Variants in DPP6 observed in about 807,000 individuals in gnomAD.
DPP6 encodes the protein dipeptidyl peptidase like 6, also known as A-type potassium channel modulatory protein DPP6.
DPP6 carries 69 observed loss-of-function variants against 122.6 expected under a neutral mutation model. The ratio of observed to expected loss-of-function variants is 0.56; its 90% CI spans 0.46 to 0.69. The LOEUF (loss-of-function observed/expected upper bound fraction) is 0.69, where lower values mean the gene tolerates loss of function less well. DPP6 is among the 30% of genes least tolerant of loss of function. The pLI is 0.00. For missense variants in DPP6, 928 were observed against 1,116.9 expected (o/e 0.83, Z 2.41); for synonymous variants, 418 against 433.1 (o/e 0.97, Z 0.43).
intron 1 of DPP6, among the ~76,000 whole-genome samples, chr7:154,151,875 G>A (rs147426817): frequency 0.015 from 2,238 of 151,886 alleles, 10 homozygotes; most frequent in Non-Finnish European, 0.024. Context: ...GGCTGAGGAG[G>A]CAGGCATGCT....
intron 1 of DPP6, among the ~76,000 whole-genome samples, chr7:154,033,332 TTC>T: frequency 6.6e-6 from 1 of 152,336 alleles, no homozygotes; most frequent in Admixed American, 6.5e-5. Context: ...CCTTCTTTCT[TTC>T]TCTCTCTTTT....
At chr7:154,389,281 A>G (rs1225353861) in intron 1 of DPP6, among the ~76,000 whole-genome samples, 1 of 152,184 alleles carries the variant, frequency 6.6e-6, no homozygotes, top group Non-Finnish European at 1.5e-5. Context: ...ACCTCACACA[A>G]TGATAAGATA....
At position 154,060,409 on chromosome 7, in the gene DPP6, A is replaced by G. The variant is rs557690277; in HGVS notation, c.243+7346A>G. Among the ~76,000 whole-genome samples the G allele has an allele frequency of 2.3e-3, 131 of 56,586 alleles. 1 individual carries two copies. Among genetic ancestry groups the G allele is most frequent in the African/African-American group, 4.4e-3 (51 of 11,602 alleles). 37.1% of individuals were successfully genotyped at this position (56,586 alleles called of 152,430 possible). ...CTGGCTCTTAGGACCCCCATCGCAGAGGGGGGAGGCACCCCCCGCGAGGCG... is the reference window on the plus strand; with the variant it reads ...CTGGCTCTTAGGACCCCCATCGCAGGGGGGGGAGGCACCCCCCGCGAGGCG... On this transcript the variant is annotated intron_variant, in intron 1 of 25. Coordinates refer to ENST00000377770, the MANE Select transcript of DPP6 (RefSeq NM_130797.4).
chr7:154,519,421 A>T (rs1826792695), intron 3 of DPP6, among the ~76,000 whole-genome samples: 1 of 152,220 alleles, frequency 6.6e-6, no homozygotes, highest in Non-Finnish European at 1.5e-5. Flanking sequence ...TGCCTTTGAC[A>T]TCCCACGTTT....
chr7:154,892,581 G>C lies in DPP6; in HGVS notation c.*101G>C, dbSNP rs553548654. On this transcript the variant is annotated 3_prime_UTR_variant, in exon 26 of 26. Transcript: ENST00000377770. ...TTCCCTCGGAGGGGCGGGGCGGGGCGGGGCCGGGTGTTCCATAGCATGTGT... is the reference window on the plus strand; with the variant it reads ...TTCCCTCGGAGGGGCGGGGCGGGGCCGGGCCGGGTGTTCCATAGCATGTGT... 74 of 1,551,510 alleles carry C rather than the reference G, an allele frequency of 4.8e-5. No individual in the cohort carries two copies. In the African/African-American group the frequency reaches 9.7e-4, roughly 20 times the overall value.
chr7:154,229,753 A>G (rs1259742286), intron 1 of DPP6, among the ~76,000 whole-genome samples: 1 of 152,148 alleles, frequency 6.6e-6, no homozygotes, highest in Non-Finnish European at 1.5e-5. Context: ...CAATTTTATC[A>G]GAATTCATGT....
At chr7:154,623,641 A>G (rs1563025702) in intron 5 of DPP6, among the ~76,000 whole-genome samples, 1 of 93,378 alleles carries the variant, frequency 1.1e-5, no homozygotes, top group African/African-American at 3.8e-5. Context: ...GCGTGCACAC[A>G]CGCGCACACA....
At chr7:154,008,530 A>T (rs1027774267) in intron 1 of DPP6, among the ~76,000 whole-genome samples, 15 of 152,158 alleles carry the variant, frequency 9.9e-5, no homozygotes, top group African/African-American at 2.9e-4. Flanking sequence ...ACACATTTCT[A>T]TGTAGAAGTA....
the DPP6 span, among the ~76,000 whole-genome samples, chr7:153,768,434 G>A: frequency 3.9e-5 from 6 of 152,048 alleles, no homozygotes; most frequent in African/African-American, 7.2e-5. Flanking sequence ...ATGTCTGTTC[G>A]TTCACATGTA....
chr7:153,869,468 T>A, the DPP6 span, among the ~76,000 whole-genome samples: 1 of 152,236 alleles, frequency 6.6e-6, no homozygotes, highest in Admixed American at 6.5e-5. Context: ...GAGACTAAGA[T>A]TGCAACCCCT....
At chr7:154,589,601 T>A (rs1287429713) in intron 5 of DPP6, among the ~76,000 whole-genome samples, 2 of 152,248 alleles carry the variant, frequency 1.3e-5, no homozygotes, top group Non-Finnish European at 2.9e-5. Flanking sequence ...GCATGGGGAA[T>A]GTGGCTGGTC....
intron 6 of DPP6, among the ~76,000 whole-genome samples, chr7:154,638,464 G>A (rs985790534): frequency 4.7e-4 from 72 of 152,174 alleles, no homozygotes; most frequent in African/African-American, 1.7e-3. Context: ...TCCTTTCTGA[G>A]CTTGGCTGTG....
intron 1 of DPP6, among the ~76,000 whole-genome samples, chr7:154,060,369 C>T (rs375051813): frequency 1.5e-3 from 159 of 104,320 alleles, no homozygotes; most frequent in African/African-American, 5.3e-3. Context: ...TGAGAGCCAG[C>T]CCCTGGTTCC....
In DPP6 at chr7:154,755,864, G is replaced by A. The variant is rs1843638534; in HGVS notation, c.884-13553G>A. Among the ~76,000 whole-genome samples, 1 of 152,178 alleles carries A rather than the reference G, an allele frequency of 6.6e-6. No individual in the cohort carries two copies. ...GGACAAGGTGGCCTCTGTCTTCATC[G>A]TGTGTCTTGGGTCCCCCTTCGTAAT... On this transcript the variant is annotated intron_variant, in intron 8 of 25. Coordinates refer to ENST00000377770, the MANE Select transcript of DPP6 (RefSeq NM_130797.4). This position sits in a 1 kb window ranked among gnomAD's most constrained non-coding sequence, Gnocchi z 4.7.
chr7:154,073,131 A>C (rs543206754), intron 1 of DPP6, among the ~76,000 whole-genome samples: 3 of 152,294 alleles, frequency 2.0e-5, no homozygotes, highest in Admixed American at 6.5e-5. Flanking sequence ...TTAATTGCCC[A>C]AAAGAAAGAA....
chr7:154,420,535 G>T (rs1817383205), intron 1 of DPP6, among the ~76,000 whole-genome samples: 2 of 152,068 alleles, frequency 1.3e-5, no homozygotes, highest in South Asian at 2.1e-4. Flanking sequence ...TAATGAACAG[G>T]TATAAAATTT....
intron 1 of DPP6, among the ~76,000 whole-genome samples, chr7:154,252,213 C>CGTGTGTGTGT (rs141850746): frequency 1.8e-4 from 27 of 150,574 alleles, no homozygotes; most frequent in East Asian, 1.2e-3. Context: ...CACAATGTCA[C>CGTGTGTGTGT]GTGTGTGTGT....
At chr7:153,777,942 G>A in the DPP6 span, among the ~76,000 whole-genome samples, 1 of 147,304 alleles carries the variant, frequency 6.8e-6, no homozygotes, top group Non-Finnish European at 1.5e-5. Flanking sequence ...AATACGAATT[G>A]TAACAAATGA....
chr7:154,453,265 T>C (rs1454165838), intron 2 of DPP6, among the ~76,000 whole-genome samples: 3 of 152,102 alleles, frequency 2.0e-5, no homozygotes, highest in Non-Finnish European at 4.4e-5. Context: ...AGGTGGTACA[T>C]CAATGAGAAG....
Sources: gnomAD v4.1 joint callset for allele counts (sites outside exome capture counted in the v4.1 genomes callset) on GRCh38, gnomAD v4.1.1 for gene constraint, Gnocchi (gnomAD v3.1) non-coding constraint, MANE v1.5 for transcripts, NCBI Gene and HGNC (gene_info 2026-07-23, HGNC 2026-07-21) for gene names.